Variants in BCAP29 observed in about 807,000 individuals in gnomAD.
BCAP29 encodes the protein B cell receptor associated protein 29, also known as B-cell receptor-associated protein 29.
A neutral mutation model predicts 31.8 loss-of-function variants in BCAP29; 34 were observed. The ratio of observed to expected loss-of-function variants is 1.07; its 90% CI spans 0.81 to 1.42. BCAP29 has a LOEUF of 1.42. Ranked by LOEUF, BCAP29 falls within the 40% of genes most tolerant of loss-of-function variation. The pLI is 0.00. For synonymous variants in BCAP29, 104 were observed against 91.3 expected (o/e 1.14, Z -0.79); for missense variants, 314 against 269.2 (o/e 1.17, Z -1.16).
chr7:107,593,922 C>A, intron 3 of BCAP29, 33 bp from the exon 4 acceptor site: 1 of 1,551,116 alleles, frequency 6.4e-7, no homozygotes, highest in Non-Finnish European at 8.7e-7. Context: ...TTCGTAAAAG[C>A]CAAAAGTACT....
intron 7 of BCAP29, among the ~76,000 whole-genome samples, chr7:107,617,589 A>G (rs1415794414): frequency 1.3e-5 from 2 of 152,246 alleles, no homozygotes; most frequent in African/African-American, 4.8e-5. Context: ...CTTGTCCATA[A>G]TAGCTTCATT....
At chr7:107,615,540 G>A (rs1813964482) in intron 7 of BCAP29, 1 of 305,150 alleles carries the variant, frequency 3.3e-6, no homozygotes, top group Non-Finnish European at 6.6e-6. Flanking sequence ...AGGTTGCAGT[G>A]AGCCGAGATC....
Position 107,586,792 on chromosome 7 carries a change from A to T in BCAP29, c.193+2810A>T, listed in dbSNP as rs534675374. ...ACCAAGGCTGAAATGCAGTGGTGCG[A>T]TCTCAGCTCACTGCAACCTCCACTT... On this transcript the variant is annotated intron_variant, in intron 3 of 7. Transcript: ENST00000005259. Among the ~76,000 whole-genome samples, 62 of 143,030 alleles carry T rather than the reference A, an allele frequency of 4.3e-4. No individual in the cohort carries two copies. The Middle Eastern group carries it at 0.011, about 26-fold the overall frequency. The allele number at this position is 143,030 out of a possible 152,430, so 93.8% of individuals were successfully genotyped here. A position where few individuals can be genotyped will look rare whatever the true frequency, so the allele number is the denominator to read the frequency against.
intron 6 of BCAP29, among the ~76,000 whole-genome samples, chr7:107,602,381 A>G (rs1811325223): frequency 6.6e-6 from 1 of 152,182 alleles, no homozygotes; most frequent in Non-Finnish European, 1.5e-5. Context: ...TAAGGTAAGA[A>G]CTAAGAAAAT....
At chr7:107,583,398 C>A (rs1807060355) in intron 2 of BCAP29, among the ~76,000 whole-genome samples, 1 of 151,840 alleles carries the variant, frequency 6.6e-6, no homozygotes, top group Admixed American at 6.6e-5. Context: ...TTTTATAATT[C>A]CCTCATGGTT....
At chr7:107,593,613 T>A (rs989627660) in intron 3 of BCAP29, among the ~76,000 whole-genome samples, 2 of 152,230 alleles carry the variant, frequency 1.3e-5, no homozygotes, top group African/African-American at 4.8e-5. Flanking sequence ...CATCTGTCAT[T>A]GTCAATAGGC....
chr7:107,601,001 T>C (rs1811077918), intron 6 of BCAP29, among the ~76,000 whole-genome samples: 1 of 152,184 alleles, frequency 6.6e-6, no homozygotes, highest in African/African-American at 2.4e-5. Flanking sequence ...AGCTAAGAAT[T>C]TGAGTGCCTC....
chr7:107,619,432 TAAAA>T lies in BCAP29; in HGVS notation c.*1074_*1077del, dbSNP rs546946193. 1.2e-3 allele frequency: 183 copies of T among 152,052 alleles called. 2 individuals are homozygous for T. The highest frequency in any genetic ancestry group is 4.2e-3 in the African/African-American group (174 of 41,474). 9.4% of individuals were successfully genotyped at this position (152,052 alleles called of 1,614,324 possible). On this transcript the variant is annotated 3_prime_UTR_variant, in exon 8 of 8. Transcript: ENST00000005259. ...TCCTTGTCTCATGAAAACCTAAATA[TAAAA>T]AAAAGGAAAATACTGGAGTTTTTAT...
intron 7 of BCAP29, 50 bp downstream of exon 7, chr7:107,613,482 A>G (rs773116598): frequency 1.4e-6 from 2 of 1,416,104 alleles, no homozygotes; most frequent in South Asian, 2.4e-5. Flanking sequence ...AATAGTAATT[A>G]CCTAAGTAAA....
rs1242389454 is a variant in BCAP29 at position 107,600,517 on chromosome 7, T to C, written c.589+12T>C. 1.3e-6 allele frequency: 2 copies of C among 1,494,428 alleles called. No individual in the cohort carries two copies. Among genetic ancestry groups the C allele is most frequent in the East Asian group, 4.5e-5 (2 of 44,140 alleles). 92.6% of individuals were successfully genotyped at this position (1,494,428 alleles called of 1,614,324 possible). A position where few individuals can be genotyped will look rare whatever the true frequency, so the allele number is the denominator to read the frequency against. Reference sequence around the variant, plus strand: ...GAAGACTTCAGATGGTAACTTTGTGTACATGTGAAAAAGTAAAAAGACTAG... The same window carrying C: ...GAAGACTTCAGATGGTAACTTTGTGCACATGTGAAAAAGTAAAAAGACTAG... On this transcript the variant is annotated intron_variant, in intron 6 of 7. Coordinates refer to ENST00000005259, the MANE Select transcript of BCAP29 (RefSeq NM_018844.4).
chr7:107,583,151 T>C (rs1007301917), intron 2 of BCAP29, among the ~76,000 whole-genome samples: 2 of 152,178 alleles, frequency 1.3e-5, no homozygotes, highest in East Asian at 3.8e-4. Context: ...TTACCTTTCC[T>C]ATTGCGTGAT....
At chr7:107,598,360 G>A (rs1245862630) in intron 5 of BCAP29, among the ~76,000 whole-genome samples, 2 of 152,004 alleles carry the variant, frequency 1.3e-5, no homozygotes, top group Non-Finnish European at 2.9e-5. Flanking sequence ...AAGATATGAG[G>A]CTCCTTTAGT....
At chr7:107,617,922 A>G (rs7806955) in intron 7 of BCAP29, among the ~76,000 whole-genome samples, 3,529 of 152,286 alleles carry the variant, frequency 0.023, 136 homozygotes, top group African/African-American at 0.08. Flanking sequence ...TGATCAGCCA[A>G]GTATAATTTG....
At chr7:107,601,890 G>T (rs1358630433) in intron 6 of BCAP29, among the ~76,000 whole-genome samples, 5 of 152,154 alleles carry the variant, frequency 3.3e-5, no homozygotes, top group Non-Finnish European at 7.4e-5. Flanking sequence ...ATAGACAAGA[G>T]TGTATGTGTG....
intron 1 of BCAP29, 60 bp from the exon 2 acceptor site, chr7:107,580,699 G>A (rs1806463733): frequency 9.3e-6 from 11 of 1,188,146 alleles, no homozygotes; most frequent in Non-Finnish European, 1.2e-5. Flanking sequence ...TGCGCCTCGG[G>A]GCCTTGAACC....
rs36213596 is a variant in BCAP29 at position 107,612,391 on chromosome 7, TTATATATATATATATATATATATATATA to T, written c.590-919_590-892del. On this transcript the variant is annotated intron_variant, in intron 6 of 7. Coordinates refer to ENST00000005259, the MANE Select transcript of BCAP29 (RefSeq NM_018844.4). ...AGCACCTTCTTCACAATGTATTGTT[TTATATATATATATATATATATATATATA>T]TATATATATATATATATATATTTAT... Among the ~76,000 whole-genome samples the T allele has an allele frequency of 2.9e-4, 9 of 30,878 alleles. 1 individual carries two copies. Among genetic ancestry groups the T allele is most frequent in the African/African-American group, 7.6e-4 (6 of 7,844 alleles). 20.3% of individuals were successfully genotyped at this position (30,878 alleles called of 152,430 possible).
chr7:107,614,202 A>G (rs1466096342), intron 7 of BCAP29, among the ~76,000 whole-genome samples: 2 of 152,196 alleles, frequency 1.3e-5, no homozygotes, highest in African/African-American at 4.8e-5. Flanking sequence ...TTTTACAAAT[A>G]ATAGCTTTTT....
downstream of BCAP29, chr7:107,621,937 G>T (rs1311790812): frequency 1.9e-6 from 1 of 530,228 alleles, no homozygotes; most frequent in Non-Finnish European, 3.9e-6. Flanking sequence ...GGACAGATCT[G>T]TAATGGCCTG....
At chr7:107,580,622 C>G in intron 1 of BCAP29, 137 bp from the exon 2 acceptor site, 1 of 605,244 alleles carries the variant, frequency 1.7e-6, no homozygotes, top group Non-Finnish European at 2.8e-6. Context: ...CCTTCCTGAC[C>G]GGGGTCCGTG....
Sources: allele counts gnomAD v4.1 joint callset (sites outside exome capture counted in the v4.1 genomes callset), GRCh38; gene constraint gnomAD v4.1.1; transcripts MANE v1.5; gene names NCBI Gene and HGNC (gene_info 2026-07-23, HGNC 2026-07-21).